The following DHX32 variants were observed in gnomAD, a reference collection of about 807,000 sequenced individuals.
The protein encoded by DHX32 is DEAH-box helicase 32 (putative).
Under a neutral mutation model 70.0 loss-of-function variants are expected in DHX32, and 51 were observed. The observed-to-expected ratio is 0.73, with a 90% CI of 0.58 to 0.92. The LOEUF (loss-of-function observed/expected upper bound fraction) is 0.92. DHX32 is among the 40% of genes least tolerant of loss of function. The pLI is 0.00. For missense variants in DHX32, 762 were observed against 891.8 expected, an observed-to-expected ratio of 0.85 and a Z score of 1.85; for synonymous variants, 310 against 315.3, an observed-to-expected ratio of 0.98 and a Z score of 0.18.
At chr10:125,858,751 T>C (rs1350127375) in intron 3 of DHX32, among the ~76,000 whole-genome samples, 3 of 152,064 alleles carry the variant, frequency 2.0e-5, no homozygotes, top group Admixed American at 2.0e-4. Flanking sequence ...CTCATGCTTC[T>C]CCTCTCTGTG....
At position 125,880,398 on chromosome 10, in the gene DHX32, GTA is replaced by G. The variant is rs1271491488; in HGVS notation, c.282+143_282+144del. On this transcript the variant is annotated intron_variant, in intron 1 of 10. Coordinates refer to ENST00000284690, the MANE Select transcript of DHX32 (RefSeq NM_018180.3). ...GTATTAGTAAAATTAATAAAATTAGGTACGTGATTTAATTATTTTATCTGAAT... is the reference window on the plus strand; with the variant it reads ...GTATTAGTAAAATTAATAAAATTAGGCGTGATTTAATTATTTTATCTGAAT... The G allele has an allele frequency of 3.7e-6, 3 of 807,504 alleles. No homozygotes were observed. The African/African-American group carries it at 5.3e-5, about 14-fold the overall frequency. 50.0% of individuals were successfully genotyped at this position (807,504 alleles called of 1,614,324 possible).
chr10:125,882,279 C>T (rs1174745388), upstream of DHX32, among the ~76,000 whole-genome samples: 2 of 152,142 alleles, frequency 1.3e-5, no homozygotes, highest in Non-Finnish European at 2.9e-5. Flanking sequence ...AAATACAGTT[C>T]ATGATATTTT....
chr10:125,871,674 C>T (rs117291294), intron 1 of DHX32, among the ~76,000 whole-genome samples: 2,487 of 152,258 alleles, frequency 0.016, 32 homozygotes, highest in South Asian at 0.033. Flanking sequence ...AGGGTTGATT[C>T]CTTAGCAAAC....
chr10:125,843,667 T>C (rs1256613351), intron 6 of DHX32, among the ~76,000 whole-genome samples: 1 of 151,374 alleles, frequency 6.6e-6, no homozygotes, highest in Non-Finnish European at 1.5e-5. Context: ...TCCATTCCTG[T>C]CAGGACAACT....
At chr10:125,853,112 AT>A in intron 4 of DHX32, 1 of 1,580,326 alleles carries the variant, frequency 6.3e-7, no homozygotes, top group South Asian at 1.1e-5. Flanking sequence ...ACTAACAATG[AT>A]TTTCCTTACA....
intron 9 of DHX32, 111 bp downstream of exon 9, chr10:125,838,890 T>A: frequency 8.1e-7 from 1 of 1,238,274 alleles, no homozygotes; most frequent in East Asian, 2.4e-5. Context: ...TAACATGGAT[T>A]TTTAGTTTTA....
chr10:125,839,302 G>A, intron 8 of DHX32, 114 bp from the exon 9 acceptor site: 1 of 1,071,246 alleles, frequency 9.3e-7, no homozygotes, highest in Non-Finnish European at 1.3e-6. Context: ...TACAAAGGAG[G>A]CCACGTAGGT....
At chr10:125,887,649 A>C (rs113389570) in intron 1 of DHX32, among the ~76,000 whole-genome samples, 1 of 150,506 alleles carries the variant, frequency 6.6e-6, no homozygotes, top group Non-Finnish European at 1.5e-5. Flanking sequence ...GTTTTTTTTT[A>C]AATTTTAGAA....
At chr10:125,872,827 C>G (rs947616099) in intron 1 of DHX32, among the ~76,000 whole-genome samples, 43 of 152,196 alleles carry the variant, frequency 2.8e-4, no homozygotes, top group African/African-American at 1.0e-3. Context: ...TACCGCCTAC[C>G]TGAAAGGAAA....
At chr10:125,888,976 C>T (rs1400079474) in intron 1 of DHX32, among the ~76,000 whole-genome samples, 1 of 152,188 alleles carries the variant, frequency 6.6e-6, no homozygotes, top group Non-Finnish European at 1.5e-5. Flanking sequence ...GGGAGAATTG[C>T]TTGAATCTGG....
At chr10:125,888,271 A>G (rs2134080249) in intron 1 of DHX32, among the ~76,000 whole-genome samples, 1 of 150,838 alleles carries the variant, frequency 6.6e-6, no homozygotes, top group East Asian at 1.9e-4. Flanking sequence ...TGGCATGATC[A>G]TAGCTCACTG....
At chr10:125,851,535 G>A (rs909726504) in intron 6 of DHX32, among the ~76,000 whole-genome samples, 3 of 152,084 alleles carry the variant, frequency 2.0e-5, no homozygotes, top group African/African-American at 7.2e-5. Flanking sequence ...GGTGATTCCT[G>A]GGCTTATGAG....
At chr10:125,869,804 A>G (rs1267312524) in intron 1 of DHX32, among the ~76,000 whole-genome samples, 2 of 152,138 alleles carry the variant, frequency 1.3e-5, no homozygotes, top group Non-Finnish European at 2.9e-5. Context: ...TTTGTTCCCA[A>G]TACCGAACAG....
At chr10:125,854,454 G>C (rs575794880) in intron 3 of DHX32, 1 of 301,454 alleles carries the variant, frequency 3.3e-6, no homozygotes, top group African/African-American at 2.2e-5. Flanking sequence ...AAAAATCTAA[G>C]TAAAAAAGAT....
intron 1 of DHX32, among the ~76,000 whole-genome samples, chr10:125,886,983 C>T (rs1437802598): frequency 3.9e-4 from 59 of 152,268 alleles, no homozygotes; most frequent in Non-Finnish European, 7.6e-4. Flanking sequence ...TGGAGCTACA[C>T]CTTCTTCACT....
chr10:125,854,455 T>TA, intron 3 of DHX32: 1 of 303,358 alleles, frequency 3.3e-6, no homozygotes, highest in Non-Finnish European at 6.0e-6. Flanking sequence ...AAAATCTAAG[T>TA]AAAAAAGATG....
chr10:125,895,961 C>G (rs1365031576), intron 1 of DHX32, among the ~76,000 whole-genome samples: 3 of 151,810 alleles, frequency 2.0e-5, no homozygotes, highest in African/African-American at 7.3e-5. Context: ...GGCCCATGCC[C>G]GGGCTCGGAG....
chr10:125,861,649 C>T (rs1172108619), intron 2 of DHX32, among the ~76,000 whole-genome samples: 3 of 152,166 alleles, frequency 2.0e-5, no homozygotes, highest in Non-Finnish European at 4.4e-5. Flanking sequence ...GGCACTGAGC[C>T]TGAGTTTCCC....
chr10:125,848,433 A>T (rs1030309657), intron 6 of DHX32, among the ~76,000 whole-genome samples: 3 of 152,200 alleles, frequency 2.0e-5, no homozygotes, highest in African/African-American at 7.2e-5. Context: ...AATTTTACAG[A>T]TGAGAAAAAG....
Sources: allele counts gnomAD v4.1 joint callset (sites outside exome capture counted in the v4.1 genomes callset), GRCh38; gene constraint gnomAD v4.1.1; transcripts MANE v1.5; gene names NCBI Gene and HGNC (gene_info 2026-07-23, HGNC 2026-07-21).